Variants in PLCXD3 observed in about 807,000 individuals in gnomAD.
PLCXD3 encodes phosphatidylinositol specific phospholipase C X domain containing 3.
Under a neutral mutation model 25.5 loss-of-function variants are expected in PLCXD3, and 19 were observed. That is an observed-to-expected ratio of 0.75 (90% confidence interval 0.52 to 1.09). PLCXD3 has a LOEUF of 1.09. Ranked by LOEUF, PLCXD3 falls within the 50% of genes least tolerant of loss-of-function variation. The pLI, the probability that PLCXD3 is intolerant of heterozygous loss-of-function variation, is 0.00. For missense variants in PLCXD3, 411 were observed against 388.1 expected (o/e 1.06, Z -0.50); for synonymous variants, 174 against 137.6 (o/e 1.26, Z -1.85).
At chr5:41,439,049 C>T (rs1446810170) in intron 1 of PLCXD3, among the ~76,000 whole-genome samples, 1 of 152,166 alleles carries the variant, frequency 6.6e-6, no homozygotes, top group Admixed American at 6.5e-5. Context: ...CAAACACTGT[C>T]GTAGTTTACG....
At chr5:41,502,394 T>C (rs1160030112) in intron 1 of PLCXD3, among the ~76,000 whole-genome samples, 2 of 152,074 alleles carry the variant, frequency 1.3e-5, no homozygotes, top group Non-Finnish European at 2.9e-5. Flanking sequence ...TATGTGTATG[T>C]GTGCGGTGTG....
intron 2 of PLCXD3, among the ~76,000 whole-genome samples, chr5:41,340,312 T>G (rs960054167): frequency 6.6e-6 from 1 of 152,170 alleles, no homozygotes; most frequent in Non-Finnish European, 1.5e-5. Flanking sequence ...ACTAATTAAA[T>G]AGCTAATGTA....
At chr5:41,391,932 G>A (rs112566111) in intron 1 of PLCXD3, among the ~76,000 whole-genome samples, 64 of 152,236 alleles carry the variant, frequency 4.2e-4, no homozygotes, top group African/African-American at 1.4e-3. Flanking sequence ...TCGTGGCCTG[G>A]GGTGGTGGTG....
Position 41,313,545 on chromosome 5 carries a change from G to A in PLCXD3, c.*72C>T, listed in dbSNP as rs553251034. 7.0e-6 allele frequency: 11 copies of A among 1,566,902 alleles called. No individual in the cohort carries two copies. The African/African-American group carries it at 1.2e-4, about 17-fold the overall frequency. ...GACTCAGTGGAATAGGAAGATCAGA[G>A]TGTTTACAGATAGTATGCCCTAATA... On this transcript the variant is annotated 3_prime_UTR_variant, in exon 3 of 3. Transcript: ENST00000377801.
At chr5:41,453,982 C>G (rs1747695190) in intron 1 of PLCXD3, among the ~76,000 whole-genome samples, 1 of 151,902 alleles carries the variant, frequency 6.6e-6, no homozygotes, top group African/African-American at 2.4e-5. Flanking sequence ...TATTCATCAA[C>G]AAGAGAAAAA....
At position 41,314,220 on chromosome 5, in the gene PLCXD3, C is replaced by G. The variant is rs144763177; in HGVS notation, c.813-450G>C. 7.7e-3 allele frequency among the ~76,000 whole-genome samples: 1,180 copies of G among 152,286 alleles called. 56 individuals carry two copies. The highest frequency in any genetic ancestry group is 0.067 in the Admixed American group (1,025 of 15,284). Reference sequence around the variant, plus strand: ...TAAATAGACATAATAGTAAAATCCCCTGCCTTCAGAAAGTACACAGTTTGG... The same window carrying G: ...TAAATAGACATAATAGTAAAATCCCGTGCCTTCAGAAAGTACACAGTTTGG... On this transcript the variant is annotated intron_variant, in intron 2 of 2. Transcript: ENST00000377801.
intron 2 of PLCXD3, among the ~76,000 whole-genome samples, chr5:41,381,390 G>A (rs1745457346): frequency 6.6e-6 from 1 of 152,120 alleles, no homozygotes; most frequent in South Asian, 2.1e-4. Context: ...CCTTGCAGAG[G>A]TAATTGAGAT....
At chr5:41,438,708 C>A (rs1294339572) in intron 1 of PLCXD3, among the ~76,000 whole-genome samples, 1 of 151,716 alleles carries the variant, frequency 6.6e-6, no homozygotes, top group African/African-American at 2.4e-5. Flanking sequence ...CCACTTTTTT[C>A]TACAACACTA....
chr5:41,492,400 A>G (rs1211805678), intron 1 of PLCXD3, among the ~76,000 whole-genome samples: 1 of 151,882 alleles, frequency 6.6e-6, no homozygotes, highest in African/African-American at 2.4e-5. Context: ...GGTGAATCTG[A>G]CAATTATGTG....
intron 1 of PLCXD3, among the ~76,000 whole-genome samples, chr5:41,474,926 G>A (rs78190330): frequency 0.011 from 1,667 of 152,268 alleles, 40 homozygotes; most frequent in African/African-American, 0.039. Context: ...ATCTAATCCT[G>A]TGCTTCCAGG....
chr5:41,501,587 C>T (rs1194253089), intron 1 of PLCXD3, among the ~76,000 whole-genome samples: 1 of 151,790 alleles, frequency 6.6e-6, no homozygotes, highest in African/African-American at 2.4e-5. Context: ...TTTAGTCATG[C>T]AAGATGAAAA....
intron 2 of PLCXD3, among the ~76,000 whole-genome samples, chr5:41,321,761 C>A (rs1173613697): frequency 6.6e-6 from 1 of 152,092 alleles, no homozygotes; most frequent in Non-Finnish European, 1.5e-5. Context: ...AATACAGAAG[C>A]AAATTCACAC....
At chr5:41,495,482 T>G (rs1748814503) in intron 1 of PLCXD3, among the ~76,000 whole-genome samples, 1 of 152,186 alleles carries the variant, frequency 6.6e-6, no homozygotes, top group African/African-American at 2.4e-5. Context: ...CCCAAGGGGT[T>G]AGTTTCTGAA....
At chr5:41,414,265 G>A (rs1035279990) in intron 1 of PLCXD3, among the ~76,000 whole-genome samples, 8 of 151,296 alleles carry the variant, frequency 5.3e-5, no homozygotes, top group African/African-American at 7.3e-5. Context: ...ATGGAGTTTC[G>A]CTCTTGTTGC....
intron 2 of PLCXD3, among the ~76,000 whole-genome samples, chr5:41,380,818 T>C (rs1472155476): frequency 1.3e-5 from 2 of 152,146 alleles, no homozygotes; most frequent in African/African-American, 2.4e-5. Flanking sequence ...GTTTGCATTG[T>C]TTAATATTTT....
chr5:41,364,142 A>G (rs1337291476), intron 2 of PLCXD3, among the ~76,000 whole-genome samples: 1 of 152,128 alleles, frequency 6.6e-6, no homozygotes, highest in Non-Finnish European at 1.5e-5. Context: ...GTCATAACTC[A>G]GGGGAAGGTG....
At chr5:41,332,029 A>G (rs1214445215) in intron 2 of PLCXD3, among the ~76,000 whole-genome samples, 1 of 152,238 alleles carries the variant, frequency 6.6e-6, no homozygotes, top group Non-Finnish European at 1.5e-5. Flanking sequence ...GGACATAGGC[A>G]TGAGCAAGGA....
At chr5:41,359,448 T>C (rs541674228) in intron 2 of PLCXD3, among the ~76,000 whole-genome samples, 130 of 152,220 alleles carry the variant, frequency 8.5e-4, no homozygotes, top group Admixed American at 8.5e-3. Flanking sequence ...TCTGGGAGGG[T>C]TGTATATTTC....
chr5:41,382,675 G>C, intron 1 of PLCXD3, 141 bp from the exon 2 acceptor site: 1 of 632,096 alleles, frequency 1.6e-6, no homozygotes, highest in Non-Finnish European at 2.6e-6. Context: ...TATTTTTTAT[G>C]CCTTAGGAGG....
Sources: gnomAD v4.1 joint callset for allele counts (sites outside exome capture counted in the v4.1 genomes callset) on GRCh38, gnomAD v4.1.1 for gene constraint, MANE v1.5 for transcripts, NCBI Gene and HGNC (gene_info 2026-07-23, HGNC 2026-07-21) for gene names.